FGGY: variants seen among roughly 807,000 people sequenced by gnomAD.
FGGY encodes FGGY carbohydrate kinase domain-containing protein.
FGGY carries 72 observed loss-of-function variants against 71.3 expected under a neutral mutation model. That is an observed-to-expected ratio of 1.01 (90% CI 0.84 to 1.23). The LOEUF is 1.23. FGGY is among the 50% of genes most tolerant of loss of function. The probability of loss-of-function intolerance (pLI) is 0.00; values close to 1 mark genes in which losing one functional copy is unlikely to be tolerated. For synonymous variants in FGGY, 251 were observed against 250.3 expected (o/e 1.00, Z -0.02); for missense variants, 668 against 682.3 (o/e 0.98, Z 0.23).
chr1:59,317,164 C>G (rs2045598125), intron 1 of FGGY, among the ~76,000 whole-genome samples: 2 of 152,200 alleles, frequency 1.3e-5, no homozygotes, highest in South Asian at 4.1e-4. Context: ...ACATGGTGAT[C>G]TGCAGCTCAG....
At chr1:59,675,756 C>G (rs1403314480) in intron 14 of FGGY, among the ~76,000 whole-genome samples, 1 of 152,078 alleles carries the variant, frequency 6.6e-6, no homozygotes, top group Non-Finnish European at 1.5e-5. Context: ...ATAGTTAAAA[C>G]AGGGGGGATG....
intron 1 of FGGY, among the ~76,000 whole-genome samples, chr1:59,301,984 T>A (rs2042830166): frequency 6.6e-6 from 1 of 151,544 alleles, no homozygotes; most frequent in Non-Finnish European, 1.5e-5. Context: ...TGATCTGCCC[T>A]CCTTGGCCTC....
chr1:59,583,907 T>G (rs926858698), intron 8 of FGGY, among the ~76,000 whole-genome samples: 5 of 144,930 alleles, frequency 3.4e-5, no homozygotes, highest in Admixed American at 2.7e-4. Context: ...CTGATGCAGC[T>G]GACAGCTAAC....
intron 5 of FGGY, among the ~76,000 whole-genome samples, chr1:59,437,704 T>C (rs1207311150): frequency 6.6e-6 from 1 of 152,260 alleles, no homozygotes; most frequent in African/African-American, 2.4e-5. Flanking sequence ...GGGATATATA[T>C]TTAACTTAAA....
intron 4 of FGGY, among the ~76,000 whole-genome samples, chr1:59,355,081 T>C (rs1210069498): frequency 2.0e-5 from 3 of 152,198 alleles, no homozygotes; most frequent in Non-Finnish European, 4.4e-5. Flanking sequence ...TGAGTTTTAT[T>C]CCAAGATCAG....
chr1:59,400,550 T>G (rs12094914), intron 5 of FGGY, among the ~76,000 whole-genome samples: 9,620 of 146,818 alleles, frequency 0.066, 461 homozygotes, highest in African/African-American at 0.14. Flanking sequence ...GTTTTGTTTT[T>G]TTTTTTTGTA....
chr1:59,737,216 G>T (rs990908208), intron 14 of FGGY, among the ~76,000 whole-genome samples: 2 of 152,248 alleles, frequency 1.3e-5, no homozygotes, highest in African/African-American at 2.4e-5. Context: ...GCAGGGACAG[G>T]GTCCTCTTGG....
chr1:59,597,350 G>A (rs1430348728), intron 8 of FGGY, among the ~76,000 whole-genome samples: 1 of 152,138 alleles, frequency 6.6e-6, no homozygotes, highest in Non-Finnish European at 1.5e-5. Flanking sequence ...GGTAAACAGG[G>A]TAAATCCTCA....
chr1:59,672,565 C>T (rs894223770), intron 13 of FGGY, among the ~76,000 whole-genome samples: 1 of 152,214 alleles, frequency 6.6e-6, no homozygotes, highest in African/African-American at 2.4e-5. Context: ...CCACCTGACA[C>T]CATGTTGGCA....
intron 5 of FGGY, among the ~76,000 whole-genome samples, chr1:59,422,131 T>G (rs2065547209): frequency 6.6e-6 from 1 of 152,228 alleles, no homozygotes; most frequent in Non-Finnish European, 1.5e-5. Flanking sequence ...TCAGTTTAAT[T>G]CTTAAAAAAT....
At chr1:59,317,660 G>A (rs529381435) in intron 1 of FGGY, among the ~76,000 whole-genome samples, 3 of 152,272 alleles carry the variant, frequency 2.0e-5, no homozygotes, top group South Asian at 2.1e-4. Context: ...CTCACAGGTC[G>A]AATTTCAGGG....
chr1:59,721,386 TGG>T (rs2097894405), intron 14 of FGGY, among the ~76,000 whole-genome samples: 1 of 138,746 alleles, frequency 7.2e-6, no homozygotes, highest in African/African-American at 2.6e-5. Flanking sequence ...TTGCCTAGGC[TGG>T]ATTGCAGTGG....
At chr1:59,443,122 T>C (rs1284484040) in intron 5 of FGGY, among the ~76,000 whole-genome samples, 3 of 152,212 alleles carry the variant, frequency 2.0e-5, no homozygotes, top group Non-Finnish European at 4.4e-5. Flanking sequence ...TGGGCTACAC[T>C]ACAGTATAGT....
chr1:59,537,033 A>G (rs1223414458), intron 7 of FGGY, among the ~76,000 whole-genome samples: 1 of 151,832 alleles, frequency 6.6e-6, no homozygotes, highest in Non-Finnish European at 1.5e-5. Flanking sequence ...AGGGTATTCA[A>G]TTAGGAAAAG....
At chr1:59,654,345 C>G (rs2097198751) in intron 11 of FGGY, among the ~76,000 whole-genome samples, 1 of 152,194 alleles carries the variant, frequency 6.6e-6, no homozygotes. Flanking sequence ...TCCATCAGCT[C>G]CACCTTCATT....
chr1:59,480,049 G>A (rs2093413800), intron 6 of FGGY, among the ~76,000 whole-genome samples: 1 of 152,124 alleles, frequency 6.6e-6, no homozygotes, highest in Non-Finnish European at 1.5e-5. Flanking sequence ...CCTAGCCTGT[G>A]TTCCCATAAT....
chr1:59,503,732 G>C (rs1408505129), intron 6 of FGGY, among the ~76,000 whole-genome samples: 1 of 150,488 alleles, frequency 6.6e-6, no homozygotes, highest in Non-Finnish European at 1.5e-5. Flanking sequence ...AGAGTTAGCA[G>C]GAATCATGGG....
At chr1:59,760,665 T>G (rs1300355585) in intron 15 of FGGY, among the ~76,000 whole-genome samples, 1 of 152,202 alleles carries the variant, frequency 6.6e-6, no homozygotes, top group African/African-American at 2.4e-5. Context: ...CTTGAGGATA[T>G]TATTCTAAGT....
intron 8 of FGGY, among the ~76,000 whole-genome samples, chr1:59,586,347 G>T (rs1265040120): frequency 6.6e-6 from 1 of 152,108 alleles, no homozygotes; most frequent in Non-Finnish European, 1.5e-5. Flanking sequence ...ATGAGTTCAT[G>T]TCCTTTGTAG....
Sources: gnomAD v4.1 joint callset for allele counts (sites outside exome capture counted in the v4.1 genomes callset) on GRCh38, gnomAD v4.1.1 for gene constraint, MANE v1.5 for transcripts, NCBI Gene and HGNC (gene_info 2026-07-23, HGNC 2026-07-21) for gene names.